The following ROR1 variants were observed in gnomAD, a reference collection of about 807,000 sequenced individuals.
ROR1 encodes inactive tyrosine-protein kinase transmembrane receptor ROR1.
In ROR1, 19 loss-of-function variants were observed where a neutral mutation model predicts 78.8. The ratio of observed to expected loss-of-function variants is 0.24; its 90% CI spans 0.17 to 0.35. The LOEUF is 0.35. Ranked by LOEUF, ROR1 falls within the 10% of genes least tolerant of loss-of-function variation. The probability of loss-of-function intolerance (pLI) is 1.00; values close to 1 mark genes in which losing one functional copy is unlikely to be tolerated. For missense variants in ROR1, 917 were observed against 1,177.8 expected (o/e 0.78, Z 3.24); for synonymous variants, 386 against 433.6 (o/e 0.89, Z 1.36).
intron 1 of ROR1, among the ~76,000 whole-genome samples, chr1:63,967,375 T>G (rs1382147790): frequency 1.3e-5 from 2 of 152,176 alleles, no homozygotes; most frequent in African/African-American, 4.8e-5. Context: ...ATACACAGTT[T>G]CCTTTACTGG....
intron 1 of ROR1, among the ~76,000 whole-genome samples, chr1:63,879,092 C>T (rs1328624066): frequency 6.6e-6 from 1 of 152,048 alleles, no homozygotes; most frequent in Non-Finnish European, 1.5e-5. Flanking sequence ...TGAGTCAGAT[C>T]TTACAGCTGA....
intron 4 of ROR1, among the ~76,000 whole-genome samples, chr1:64,132,977 C>G (rs1446877556): frequency 6.6e-6 from 1 of 152,008 alleles, no homozygotes; most frequent in East Asian, 1.9e-4. Flanking sequence ...CTGGGATAGT[C>G]TCCTCATCTC....
At chr1:64,014,908 C>T (rs548038120) in intron 2 of ROR1, among the ~76,000 whole-genome samples, 25 of 149,794 alleles carry the variant, frequency 1.7e-4, no homozygotes, top group African/African-American at 6.1e-4. Flanking sequence ...TTTTGCTCAC[C>T]TGTGGATGGA....
At chr1:63,817,853 C>A (rs1043550995) in intron 1 of ROR1, among the ~76,000 whole-genome samples, 11 of 149,944 alleles carry the variant, frequency 7.3e-5, no homozygotes, top group Non-Finnish European at 1.5e-4. Context: ...AAGCCTCGTG[C>A]TTCTTCTGCA....
At chr1:63,867,535 T>A (rs1645223844) in intron 1 of ROR1, among the ~76,000 whole-genome samples, 1 of 152,206 alleles carries the variant, frequency 6.6e-6, no homozygotes, top group Admixed American at 6.5e-5. Context: ...AAAATTAACC[T>A]ATTTTGATGA....
At chr1:63,839,357 T>TATCC (rs1403118845) in intron 1 of ROR1, among the ~76,000 whole-genome samples, 2 of 110,634 alleles carry the variant, frequency 1.8e-5, no homozygotes, top group African/African-American at 6.4e-5. Context: ...TCTATCTATC[T>TATCC]ATCTATCTAT....
At chr1:63,948,995 ACATTAT>A (rs1467220953) in intron 1 of ROR1, among the ~76,000 whole-genome samples, 1 of 152,276 alleles carries the variant, frequency 6.6e-6, no homozygotes, top group Admixed American at 6.5e-5. Flanking sequence ...CATTGCTATG[ACATTAT>A]AACTCATGAT....
intron 6 of ROR1, among the ~76,000 whole-genome samples, chr1:64,141,940 G>A (rs1053670974): frequency 2.0e-5 from 3 of 152,026 alleles, no homozygotes; most frequent in African/African-American, 7.2e-5. Flanking sequence ...CCCCACTTTT[G>A]TTAGAAACCC....
At chr1:64,093,161 A>G (rs1176222151) in intron 4 of ROR1, among the ~76,000 whole-genome samples, 1 of 152,170 alleles carries the variant, frequency 6.6e-6, no homozygotes, top group Non-Finnish European at 1.5e-5. Context: ...TTAAGGATGC[A>G]TCTTGAGAGG....
At chr1:63,871,089 G>T (rs143855385) in intron 1 of ROR1, among the ~76,000 whole-genome samples, 1 of 152,258 alleles carries the variant, frequency 6.6e-6, no homozygotes, top group East Asian at 1.9e-4. Flanking sequence ...TAAATAATAA[G>T]CACTCAATAA....
chr1:63,926,485 G>T (rs1260825128), intron 1 of ROR1, among the ~76,000 whole-genome samples: 1 of 151,152 alleles, frequency 6.6e-6, no homozygotes, highest in African/African-American at 2.4e-5. Flanking sequence ...TTGACTTGGC[G>T]ATGCGGGCTC....
In ROR1 at chr1:63,893,542, T is replaced by C. The variant is rs114473113; in HGVS notation, c.92-115763T>C. On this transcript the variant is annotated intron_variant, in intron 1 of 8. Coordinates refer to ENST00000371079, the MANE Select transcript of ROR1 (RefSeq NM_005012.4). Reference sequence around the variant, plus strand: ...GACACCATTTCAAGAGTATCCTTCATGATGTCCAGGTTAAAAGGTTTTTGT... The same window carrying C: ...GACACCATTTCAAGAGTATCCTTCACGATGTCCAGGTTAAAAGGTTTTTGT... Among the ~76,000 whole-genome samples, 326 of 152,338 alleles carry C rather than the reference T, an allele frequency of 2.1e-3. 1 individual carries two copies. The highest frequency in any genetic ancestry group is 5.0e-3 in the Admixed American group (76 of 15,298).
chr1:64,152,717 G>T (rs967293934), intron 7 of ROR1, among the ~76,000 whole-genome samples: 2 of 151,930 alleles, frequency 1.3e-5, no homozygotes, highest in Non-Finnish European at 2.9e-5. Flanking sequence ...TGTCGAGTAC[G>T]ATCCTCTAAA....
intron 7 of ROR1, among the ~76,000 whole-genome samples, chr1:64,149,210 C>G (rs1237108267): frequency 6.6e-6 from 1 of 152,100 alleles, no homozygotes; most frequent in Non-Finnish European, 1.5e-5. Flanking sequence ...ACACGGTAAA[C>G]ACAAGATAAA....
intron 4 of ROR1, among the ~76,000 whole-genome samples, chr1:64,093,416 A>G (rs2100646737): frequency 6.6e-6 from 1 of 152,286 alleles, no homozygotes; most frequent in South Asian, 2.1e-4. Flanking sequence ...GTATTTTTCA[A>G]GATGCTTTTT....
chr1:63,949,918 A>G (rs868162728), intron 1 of ROR1, among the ~76,000 whole-genome samples: 1 of 152,118 alleles, frequency 6.6e-6, no homozygotes, highest in Non-Finnish European at 1.5e-5. Flanking sequence ...ATTCGTAAAC[A>G]TACTTGTGTT....
intron 1 of ROR1, among the ~76,000 whole-genome samples, chr1:63,820,605 G>A (rs1370863709): frequency 6.6e-6 from 1 of 152,122 alleles, no homozygotes; most frequent in African/African-American, 2.4e-5. Context: ...TGAATTTTGA[G>A]TTTAGCTGGA....
At chr1:63,882,253 C>T (rs1276908989) in intron 1 of ROR1, among the ~76,000 whole-genome samples, 1 of 151,978 alleles carries the variant, frequency 6.6e-6, no homozygotes, top group East Asian at 1.9e-4. Context: ...TTGCCAAGAC[C>T]AGATCTCACT....
At chr1:64,015,828 C>T (rs561783865) in intron 2 of ROR1, among the ~76,000 whole-genome samples, 1 of 152,134 alleles carries the variant, frequency 6.6e-6, no homozygotes, top group Non-Finnish European at 1.5e-5. Flanking sequence ...GCACCATTTT[C>T]TTTAAAGGTT....
Sources: allele counts gnomAD v4.1 joint callset (sites outside exome capture counted in the v4.1 genomes callset), GRCh38; gene constraint gnomAD v4.1.1; transcripts MANE v1.5; gene names NCBI Gene and HGNC (gene_info 2026-07-23, HGNC 2026-07-21).